Variants in TXNL4B observed in about 807,000 individuals in gnomAD.
TXNL4B encodes thioredoxin-like protein 4B.
In TXNL4B, 12 loss-of-function variants were observed where a neutral mutation model predicts 13.0. The ratio of observed to expected loss-of-function variants is 0.92; its 90% CI spans 0.59 to 1.49. The LOEUF is 1.49. TXNL4B is among the 40% of genes most tolerant of loss of function. TXNL4B has a pLI of 0.00. For missense variants in TXNL4B, 214 were observed against 173.6 expected (o/e 1.23, Z -1.31); for synonymous variants, 59 against 58.9 (o/e 1.00, Z -0.01).
intron 1 of TXNL4B, among the ~76,000 whole-genome samples, chr16:72,092,834 CAAAG>C (rs2041933946): frequency 6.6e-6 from 1 of 152,056 alleles, no homozygotes; most frequent in Non-Finnish European, 1.5e-5. Flanking sequence ...TACCAGTAAG[CAAAG>C]AAAAGCAAAT....
rs900239143 is a variant in TXNL4B, at chr16:72,093,606, A to G, written c.-277T>C. ...CTGGCCGTCGGTCGGCCCCCGCTCA[A>G]CAGCCCAATAAACGGAAGAGCTTCT... On this transcript the variant is annotated 5_prime_UTR_variant, in exon 1 of 4. Coordinates refer to ENST00000268483, the MANE Select transcript of TXNL4B (RefSeq NM_017853.3). 6.6e-5 allele frequency: 10 copies of G among 152,140 alleles called. No homozygotes were observed. Among genetic ancestry groups the G allele is most frequent in the Non-Finnish European group, 1.3e-4 (9 of 67,984 alleles). The allele number at this position is 152,140 out of a possible 1,614,324, so 9.4% of individuals were successfully genotyped here.
intron 3 of TXNL4B, chr16:72,087,324 T>TC (rs1157653150): frequency 7.5e-4 from 78 of 103,372 alleles, no homozygotes; most frequent in African/African-American, 2.9e-3. Context: ...ATCCTTCCAA[T>TC]CTTGTGTGTG....
intron 2 of TXNL4B, among the ~76,000 whole-genome samples, chr16:72,089,460 T>A (rs915144428): frequency 1.3e-5 from 2 of 152,130 alleles, no homozygotes; most frequent in African/African-American, 4.8e-5. Context: ...TCCTGTCTAT[T>A]CATTGTGGAG....
intron 3 of TXNL4B, 124 bp downstream of exon 3, chr16:72,088,863 T>G: frequency 3.2e-6 from 2 of 616,754 alleles, no homozygotes; most frequent in East Asian, 2.8e-5. Context: ...AGTGCGTCAA[T>G]TGGGGAAACA....
intron 2 of TXNL4B, among the ~76,000 whole-genome samples, chr16:72,089,515 G>A (rs2041871095): frequency 6.6e-6 from 1 of 152,180 alleles, no homozygotes; most frequent in Non-Finnish European, 1.5e-5. Context: ...CATTTCTACT[G>A]CTGCCATCCC....
intron 3 of TXNL4B, among the ~76,000 whole-genome samples, chr16:72,088,337 G>C (rs1567596656): frequency 6.6e-6 from 1 of 152,234 alleles, no homozygotes; most frequent in South Asian, 2.1e-4. Context: ...ATCTAGATAA[G>C]TGGACACATC....
At chr16:72,092,235 C>T (rs887983856) in intron 1 of TXNL4B, among the ~76,000 whole-genome samples, 2 of 152,112 alleles carry the variant, frequency 1.3e-5, no homozygotes, top group African/African-American at 4.8e-5. Flanking sequence ...ATGGTGAAAC[C>T]CCGTCTCTAC....
upstream of TXNL4B, chr16:72,094,239 G>C (rs2041971350): frequency 6.5e-6 from 1 of 152,854 alleles, no homozygotes; most frequent in South Asian, 2.1e-4. Context: ...CTTCCTCCTT[G>C]CTCTGGTCAA....
In TXNL4B at chr16:72,085,005, C is replaced by T; in HGVS notation, c.*1632G>A. The T allele has an allele frequency of 2.5e-6, 1 of 398,578 alleles. No homozygotes were observed. Among genetic ancestry groups the T allele is most frequent in the East Asian group, 3.6e-5 (1 of 28,068 alleles). The allele number at this position is 398,578 out of a possible 1,614,324, so 24.7% of individuals were successfully genotyped here. ...ACGTGATGCTGGGCACCTCGGGGAC[C>T]TAAGATGGCTGTTGTAGCTCCATGC... On this transcript the variant is annotated 3_prime_UTR_variant, in exon 4 of 4. Coordinates refer to ENST00000268483, the MANE Select transcript of TXNL4B (RefSeq NM_017853.3).
chr16:72,089,120 C>T lies in TXNL4B; in HGVS notation c.151G>A (p.Asp51Asn). The change falls in exon 3 of 4, where the codon GAC (aspartate) becomes AAC (asparagine). Residue 51 changes from aspartate (D) to asparagine (N), a missense_variant. Coordinates refer to ENST00000268483, the MANE Select transcript of TXNL4B (RefSeq NM_017853.3). ...LDDILSKTSS[D>N]LSKMAAIYLV... ...TATATAGCAGCCATTTTACTTAAGTCAGAAGAGGTCTTAGAAAGCTGCAAA... is the reference window on the plus strand; with the variant it reads ...TATATAGCAGCCATTTTACTTAAGTTAGAAGAGGTCTTAGAAAGCTGCAAA... The T allele has an allele frequency of 6.2e-7, 1 of 1,611,864 alleles. No homozygotes were observed. The highest frequency in any genetic ancestry group is 8.5e-7 in the Non-Finnish European group (1 of 1,178,512).
chr16:72,089,030 T>C lies in TXNL4B; in HGVS notation c.241A>G (p.Thr81Ala), dbSNP rs747872041. 3 of 1,611,212 alleles carry C rather than the reference T, an allele frequency of 1.9e-6. No homozygotes were observed. The highest frequency in any genetic ancestry group is 2.5e-6 in the Non-Finnish European group (3 of 1,177,916). ...QYFDISYIPSTVFFFNGQHMK... is the reference protein window; with the variant it reads ...QYFDISYIPSAVFFFNGQHMK... Reference sequence around the variant, plus strand: ...TGCTGCCCATTGAAGAAAAAGACAGTAGATGGAATATAACTGATGTCAAAA... The same window carrying C: ...TGCTGCCCATTGAAGAAAAAGACAGCAGATGGAATATAACTGATGTCAAAA... Residue 81 changes from threonine (T) to alanine (A), a missense_variant, in exon 3 of 4, where the codon ACT becomes GCT. By Grantham distance (58) the Thr-to-Ala change is moderately conservative (BLOSUM62 0). Transcript: ENST00000268483.
At chr16:72,093,977 T>G (rs2041965522), upstream of TXNL4B, 2 of 152,508 alleles carry the variant, frequency 1.3e-5, no homozygotes, top group Admixed American at 1.3e-4. Context: ...TCCTTGAGCC[T>G]GTCTGAGCGA....
intron 1 of TXNL4B, among the ~76,000 whole-genome samples, chr16:72,092,015 G>A (rs79680841): frequency 0.025 from 3,784 of 152,232 alleles, 67 homozygotes; most frequent in East Asian, 0.049. Flanking sequence ...TTAGTTTTGT[G>A]GTCATCTATA....
At position 72,089,235 on chromosome 16, in the gene TXNL4B, A is replaced by C. The variant is rs910062230; in HGVS notation, c.133-97T>G. 3.6e-6 allele frequency: 4 copies of C among 1,119,258 alleles called. No homozygotes were observed. In the African/African-American group the frequency reaches 6.3e-5, roughly 18 times the overall value. 69.3% of individuals were successfully genotyped at this position (1,119,258 alleles called of 1,614,324 possible). A position where few individuals can be genotyped will look rare whatever the true frequency, so the allele number is the denominator to read the frequency against. ...CTACAACAGAGTGTTTTGTTTGAAA[A>C]AACTCCTGGGCCAACAATGCAGCCC... On this transcript the variant is annotated intron_variant, in intron 2 of 3. Coordinates refer to ENST00000268483, the MANE Select transcript of TXNL4B (RefSeq NM_017853.3).
chr16:72,090,645 A>T lies in TXNL4B; in HGVS notation c.105T>A (p.Asp35Glu). 3 of 1,614,152 alleles carry T rather than the reference A, an allele frequency of 1.9e-6. No homozygotes were observed. The highest frequency in any genetic ancestry group is 2.5e-6 in the Non-Finnish European group (3 of 1,179,996). The change falls in exon 2 of 4, where the codon GAT (aspartate) becomes GAA (glutamate). Residue 35 changes from aspartate (D) to glutamate (E), a missense_variant. Physicochemically the swap from Asp to Glu is conservative, Grantham distance 45 (BLOSUM62 2). Coordinates refer to ENST00000268483, the MANE Select transcript of TXNL4B (RefSeq NM_017853.3). Reference sequence around the variant, plus strand: ...TATCATCTAGCTGCAGACAGACAGGATCTTCATCTCTCCCAAACCTGAGAA... The same window carrying T: ...TATCATCTAGCTGCAGACAGACAGGTTCTTCATCTCTCCCAAACCTGAGAA... ...VLVLRFGRDE[D>E]PVCLQLDDIL... is the part of the protein sequence containing the mutation.
chr16:72,090,639 G>C lies in TXNL4B; in HGVS notation c.111C>G (p.Val37=). Residue 37 remains valine, a synonymous_variant, in exon 2 of 4, where the codon GTC becomes GTG. Transcript: ENST00000268483. The part of the protein sequence containing the change: ...VLRFGRDEDP[V]CLQLDDILSK... ...TTACAATATCATCTAGCTGCAGACAGACAGGATCTTCATCTCTCCCAAACC... is the reference window on the plus strand; with the variant it reads ...TTACAATATCATCTAGCTGCAGACACACAGGATCTTCATCTCTCCCAAACC... The C allele has an allele frequency of 1.2e-6, 2 of 1,614,132 alleles. No homozygotes were observed. The highest frequency in any genetic ancestry group is 1.7e-6 in the Non-Finnish European group (2 of 1,179,998).
chr16:72,090,876 T>A (rs1405180853), intron 1 of TXNL4B, 90 bp from the exon 2 acceptor site: 1 of 1,026,130 alleles, frequency 9.7e-7, no homozygotes, highest in Non-Finnish European at 1.4e-6. Flanking sequence ...AGCTAATGTA[T>A]TCACATGGTA....
At position 72,085,076 on chromosome 16, in the gene TXNL4B, G is replaced by A. The variant is rs1021825810; in HGVS notation, c.*1561C>T. 61 of 398,464 alleles carry A rather than the reference G, an allele frequency of 1.5e-4. No homozygotes were observed. The highest frequency in any genetic ancestry group is 2.0e-4 in the Non-Finnish European group (45 of 226,070). The allele number at this position is 398,464 out of a possible 1,614,324, so 24.7% of individuals were successfully genotyped here. On this transcript the variant is annotated 3_prime_UTR_variant, in exon 4 of 4. Coordinates refer to ENST00000268483, the MANE Select transcript of TXNL4B (RefSeq NM_017853.3). ...AGGAAGTGTACGATGGAAGAGGCCA[G>A]AGGTGATGGCCTCCTCCTCTCCTTT...
At chr16:72,087,536 A>C (rs1173847510) in intron 3 of TXNL4B, 1 of 152,226 alleles carries the variant, frequency 6.6e-6, no homozygotes, top group African/African-American at 2.4e-5. Context: ...TAAAAAGTTT[A>C]AAAACTTTAA....
Sources: gnomAD v4.1 joint callset for allele counts (sites outside exome capture counted in the v4.1 genomes callset) on GRCh38, gnomAD v4.1.1 for gene constraint, MANE v1.5 for transcripts, NCBI Gene and HGNC (gene_info 2026-07-23, HGNC 2026-07-21) for gene names.